Variants in CARF observed in about 807,000 individuals in gnomAD.
The protein encoded by CARF is calcium responsive transcription factor, also known as calcium-responsive transcription factor.
In CARF, 57 loss-of-function variants were observed where a neutral mutation model predicts 82.0. The observed-to-expected ratio is 0.70, with a 90% CI of 0.56 to 0.87. The LOEUF (loss-of-function observed/expected upper bound fraction) is 0.87, where lower values mean the gene tolerates loss of function less well. Ranked by LOEUF, CARF falls within the 40% of genes least tolerant of loss-of-function variation. The probability of loss-of-function intolerance (pLI) is 0.00; values close to 1 mark genes in which losing one functional copy is unlikely to be tolerated. For missense variants in CARF, 771 were observed against 855.8 expected (o/e 0.90, Z 1.24); for synonymous variants, 268 against 290.1 (o/e 0.92, Z 0.77).
At chr2:202,978,942 A>G (rs2060137644) in intron 14 of CARF, among the ~76,000 whole-genome samples, 1 of 152,176 alleles carries the variant, frequency 6.6e-6, no homozygotes, top group Non-Finnish European at 1.5e-5. Flanking sequence ...AGTGAAATAC[A>G]TGAGCAAAAT....
At chr2:202,960,736 G>A (rs1228655181) in intron 8 of CARF, among the ~76,000 whole-genome samples, 1 of 146,948 alleles carries the variant, frequency 6.8e-6, no homozygotes, top group Non-Finnish European at 1.5e-5. Flanking sequence ...CCACCTTCCC[G>A]CCTTCCCGCC....
At chr2:202,964,589 G>A (rs975310082) in intron 9 of CARF, among the ~76,000 whole-genome samples, 3 of 151,696 alleles carry the variant, frequency 2.0e-5, no homozygotes, top group Non-Finnish European at 2.9e-5. Context: ...ACCTTAAAAA[G>A]GTTTTTTAAA....
chr2:202,971,475 T>C (rs1290983167), intron 11 of CARF, 30 bp from the exon 12 acceptor site: 3 of 1,326,532 alleles, frequency 2.3e-6, no homozygotes, highest in Non-Finnish European at 2.1e-6. Context: ...TGTTTAAATT[T>C]TAGTAATTTT....
chr2:202,942,068 T>C (rs570173999), intron 4 of CARF, 88 bp downstream of exon 4: 23 of 1,034,888 alleles, frequency 2.2e-5, no homozygotes, highest in East Asian at 5.0e-5. Context: ...ATAGCTGTTA[T>C]ATTTAGTGTA....
intron 3 of CARF, among the ~76,000 whole-genome samples, chr2:202,940,310 C>T (rs538341728): frequency 6.6e-6 from 1 of 151,656 alleles, no homozygotes; most frequent in African/African-American, 2.4e-5. Context: ...CTGAGATTAC[C>T]AGCATGAGCC....
intron 3 of CARF, among the ~76,000 whole-genome samples, chr2:202,937,586 T>C (rs1025236142): frequency 1.6e-4 from 25 of 152,090 alleles, no homozygotes; most frequent in African/African-American, 5.8e-4. Flanking sequence ...AATGTGCTTG[T>C]ATGGCATGAC....
chr2:202,967,122 G>T, intron 10 of CARF, 24 bp downstream of exon 10: 1 of 1,607,082 alleles, frequency 6.2e-7, no homozygotes, highest in Non-Finnish European at 8.5e-7. Context: ...TCTTTTATTT[G>T]TTTTCTATTA....
rs2060488268 is a variant in CARF at position 202,987,665 on chromosome 2, A to G, written c.*4041A>G. On this transcript the variant is annotated 3_prime_UTR_variant, in exon 17 of 17. Coordinates refer to ENST00000438828, the MANE Select transcript of CARF (RefSeq NM_024744.17). ...TGGGAATAGAAAAAACACATTTATT[A>G]ATGGATGCTAAAGTGATTCCTGAGA... is the stretch of plus-strand genomic sequence containing the variant. Among the ~76,000 whole-genome samples the G allele has an allele frequency of 2.0e-5, 3 of 152,170 alleles. No homozygotes were observed. The highest frequency in any genetic ancestry group is 6.5e-5 in the Admixed American group (1 of 15,274).
At chr2:202,935,877 T>A (rs1432495601) in intron 3 of CARF, among the ~76,000 whole-genome samples, 1 of 152,144 alleles carries the variant, frequency 6.6e-6, no homozygotes. Context: ...ATTGCAGTGG[T>A]ACAGTCACAG....
Position 202,977,323 on chromosome 2 carries a change from T to C in CARF, c.1549T>C (p.Phe517Leu), listed in dbSNP as rs749372897. The C allele has an allele frequency of 4.7e-5, 75 of 1,611,586 alleles. No individual in the cohort carries two copies. The highest frequency in any genetic ancestry group is 5.8e-5 in the Non-Finnish European group (68 of 1,178,296). The change falls in exon 14 of 17, where the codon TTT becomes CTT. Residue 517 changes from phenylalanine (F) to leucine (L), a missense_variant. Physicochemically the swap from Phe to Leu is conservative, Grantham distance 22. Coordinates refer to ENST00000438828, the MANE Select transcript of CARF (RefSeq NM_024744.17). ...NILKETMTVT[F>L]AEGNSPGESI... The stretch of plus-strand genomic sequence containing the variant: ...TCTCAAAGAGACCATGACAGTTACA[T>C]TTGCAGAAGGTAGGTTTTCTTGAAT...
chr2:202,975,283 G>C (rs188898738), intron 13 of CARF, among the ~76,000 whole-genome samples: 1 of 152,152 alleles, frequency 6.6e-6, no homozygotes, highest in East Asian at 1.9e-4. Context: ...TCTCTACTAA[G>C]AATACGAAAA....
intron 13 of CARF, among the ~76,000 whole-genome samples, chr2:202,974,831 G>A (rs1026885844): frequency 6.6e-6 from 1 of 151,698 alleles, no homozygotes; most frequent in Admixed American, 6.6e-5. Context: ...CTCAGGAGGC[G>A]GAGTTTGCAG....
chr2:202,959,142 T>C (rs893013712), intron 8 of CARF, among the ~76,000 whole-genome samples: 2 of 152,046 alleles, frequency 1.3e-5, no homozygotes, highest in African/African-American at 4.8e-5. Flanking sequence ...ATTATACTGA[T>C]TTTTTCTTTA....
At chr2:202,927,178 C>G (rs1691999256) in intron 3 of CARF, among the ~76,000 whole-genome samples, 1 of 151,996 alleles carries the variant, frequency 6.6e-6, no homozygotes, top group Non-Finnish European at 1.5e-5. Context: ...TACAGAAAAC[C>G]AGTTTGTGGC....
chr2:202,930,968 C>CTTTTTTTTTTTTTTTTTTTTTTTT (rs1007407230), intron 3 of CARF, among the ~76,000 whole-genome samples: 1 of 103,216 alleles, frequency 9.7e-6, no homozygotes, highest in Non-Finnish European at 2.0e-5. Context: ...TTTTTCTTTT[C>CTTTTTTTTTTTTTTTTTTTTTTTT]TTTTTTTTTT....
intron 3 of CARF, among the ~76,000 whole-genome samples, chr2:202,929,960 A>G (rs539451919): frequency 1.3e-5 from 2 of 152,182 alleles, no homozygotes; most frequent in South Asian, 4.2e-4. Context: ...CATTTTCACA[A>G]TATTAATTAT....
intron 7 of CARF, 100 bp downstream of exon 7, chr2:202,954,234 A>G: frequency 7.6e-7 from 1 of 1,321,554 alleles, no homozygotes; most frequent in Non-Finnish European, 1.0e-6. Context: ...GAAAATCAGA[A>G]GATAGAAGGA....
At chr2:202,969,861 A>C in intron 10 of CARF, 58 bp from the exon 11 acceptor site, 1 of 1,126,964 alleles carries the variant, frequency 8.9e-7, no homozygotes, top group Non-Finnish European at 1.2e-6. Context: ...GGTTGATAAG[A>C]TAGATTATCT....
At position 202,984,487 on chromosome 2, in the gene CARF, C is replaced by A. The variant is rs2105953467; in HGVS notation, c.*863C>A. 2 of 152,234 alleles carry A rather than the reference C, an allele frequency of 1.3e-5. 1 individual carries two copies. 9.4% of individuals were successfully genotyped at this position (152,234 alleles called of 1,614,324 possible). A position where few individuals can be genotyped will look rare whatever the true frequency, so the allele number is the denominator to read the frequency against. ...AATTTGGAAAACTTTTTGATGACAGCAGAGGATTTTTTCCCCCTTATTTTG... is the reference window on the plus strand; with the variant it reads ...AATTTGGAAAACTTTTTGATGACAGAAGAGGATTTTTTCCCCCTTATTTTG... On this transcript the variant is annotated 3_prime_UTR_variant, in exon 17 of 17. Transcript: ENST00000438828.
Sources: gnomAD v4.1 joint callset for allele counts (sites outside exome capture counted in the v4.1 genomes callset) on GRCh38, gnomAD v4.1.1 for gene constraint, MANE v1.5 for transcripts, NCBI Gene and HGNC (gene_info 2026-07-23, HGNC 2026-07-21) for gene names.